Variants in NELL2 observed in about 807,000 individuals in gnomAD.
NELL2 encodes the protein neural EGFL like 2.
A neutral mutation model predicts 109.6 loss-of-function variants in NELL2; 41 were observed. That is an observed-to-expected ratio of 0.37 (90% CI 0.29 to 0.49). The LOEUF is 0.49. NELL2 is among the 20% of genes least tolerant of loss of function. The pLI is 0.98. For missense variants in NELL2, 900 were observed against 1,008.3 expected, an observed-to-expected ratio of 0.89 and a Z score of 1.45; for synonymous variants, 355 against 344.7, an observed-to-expected ratio of 1.03 and a Z score of -0.33.
intron 9 of NELL2, among the ~76,000 whole-genome samples, chr12:44,747,562 CA>C (rs1483245961): frequency 4.6e-5 from 7 of 151,796 alleles, no homozygotes; most frequent in Admixed American, 3.3e-4. Flanking sequence ...ATTAGACTTT[CA>C]AAAAAAATCT....
rs1410705305 is a variant in NELL2, at chr12:44,711,373, C to T, written c.1108G>A (p.Glu370Lys). 2.5e-6 allele frequency: 4 copies of T among 1,612,320 alleles called. No individual in the cohort carries two copies. The African/African-American group carries it at 4.0e-5, about 16-fold the overall frequency. ...TCCAAAGCTGGACAGCCTGAACTCTCAACAAGTTTCATGGTCTGGTCCTGT... is the reference window on the plus strand; with the variant it reads ...TCCAAAGCTGGACAGCCTGAACTCTTAACAAGTTTCATGGTCTGGTCCTGT... Reference protein sequence around the residue: ...ECKDQTMKLVESSGCPALDCP... With the variant: ...ECKDQTMKLVKSSGCPALDCP... The change falls in exon 11 of 20, where the codon GAG (glutamate) becomes AAG (lysine). Residue 370 changes from glutamate (E) to lysine (K), a missense_variant. Physicochemically the swap from Glu to Lys is moderately conservative, Grantham distance 56. This residue lies in a region of NELL2 where 292 missense variants were observed against 265.3 expected (regional missense o/e 1.10). Coordinates refer to ENST00000429094, the MANE Select transcript of NELL2 (RefSeq NM_001145108.2).
intron 13 of NELL2, among the ~76,000 whole-genome samples, chr12:44,631,764 GA>G (rs1946464419): frequency 6.6e-6 from 1 of 152,018 alleles, no homozygotes; most frequent in Admixed American, 6.6e-5. Context: ...AGCATATAAT[GA>G]ATATCAATGG....
At chr12:44,791,083 ATATATATATATATG>A (rs1253564126) in intron 3 of NELL2, among the ~76,000 whole-genome samples, 1 of 8,370 alleles carries the variant, frequency 1.2e-4, no homozygotes. Flanking sequence ...ATATATATAC[ATATATATATATATG>A]TATATATATA....
At chr12:44,732,112 G>T (rs1248544176) in intron 9 of NELL2, among the ~76,000 whole-genome samples, 1 of 151,958 alleles carries the variant, frequency 6.6e-6, no homozygotes, top group African/African-American at 2.4e-5. Flanking sequence ...GTGCTTACAG[G>T]TTGGAAGACA....
Position 44,876,184 on chromosome 12 carries a change from A to G in NELL2, c.-315T>C. ...GGCTCCGTCGGGGAATTAGCTCCCG[A>G]GCCGAATAAAAGCAGCCAAAGACTC... On this transcript the variant is annotated 5_prime_UTR_variant, in exon 1 of 20. Transcript: ENST00000429094. The G allele has an allele frequency of 4.0e-6, 5 of 1,240,304 alleles. No homozygotes were observed. Among genetic ancestry groups the G allele is most frequent in the South Asian group, 2.2e-5 (1 of 45,448 alleles). The allele number at this position is 1,240,304 out of a possible 1,614,324, so 76.8% of individuals were successfully genotyped here. A position where few individuals can be genotyped will look rare whatever the true frequency, so the allele number is the denominator to read the frequency against.
intron 3 of NELL2, among the ~76,000 whole-genome samples, chr12:44,786,934 T>G (rs747737970): frequency 7.9e-5 from 12 of 152,124 alleles, no homozygotes; most frequent in Middle Eastern, 3.4e-3. Flanking sequence ...ATGCGGGGCT[T>G]AAAACCTAGA....
At chr12:44,661,236 AG>A (rs1194121191) in intron 13 of NELL2, among the ~76,000 whole-genome samples, 2 of 152,222 alleles carry the variant, frequency 1.3e-5, no homozygotes, top group Non-Finnish European at 2.9e-5. Context: ...ATCATGGGAA[AG>A]GGGGGCAAGA....
chr12:44,799,867 A>G (rs1441334473), intron 3 of NELL2, among the ~76,000 whole-genome samples: 1 of 152,204 alleles, frequency 6.6e-6, no homozygotes, highest in Non-Finnish European at 1.5e-5. Context: ...ATTTCTTTCT[A>G]CATTATGTTT....
rs1207606787 is a variant in NELL2 at position 44,875,875 on chromosome 12, G to A, written c.-6C>T. On this transcript the variant is annotated 5_prime_UTR_variant, in exon 1 of 20. Coordinates refer to ENST00000429094, the MANE Select transcript of NELL2 (RefSeq NM_001145108.2). ...AGTAAGACCCGAGACTCCATGGTGC[G>A]GATCAGCTCAGTCCATCGTCTCCCT... 2 of 1,613,960 alleles carry A rather than the reference G, an allele frequency of 1.2e-6. No individual in the cohort carries two copies. The highest frequency in any genetic ancestry group is 1.1e-5 in the South Asian group (1 of 91,074).
chr12:44,857,718 C>A (rs1944723874), intron 2 of NELL2, among the ~76,000 whole-genome samples: 1 of 152,236 alleles, frequency 6.6e-6, no homozygotes, highest in South Asian at 2.1e-4. Context: ...AGGAGCTATG[C>A]CCTGAATCTT....
rs1359207638 is a variant in NELL2 at position 44,815,943 on chromosome 12, CA to C, written c.335+42del. The stretch of plus-strand genomic sequence containing the variant: ...CTTCTCTTTAATATATTCATTTAAC[CA>C]CATATAATGAAAACACAGGAAACTC... On this transcript the variant is annotated intron_variant, in intron 3 of 19. Transcript: ENST00000429094. 1.0e-5 allele frequency: 16 copies of C among 1,570,392 alleles called. No homozygotes were observed. The Admixed American group carries it at 2.8e-4, about 27-fold the overall frequency.
chr12:44,700,360 C>T (rs751605864), intron 12 of NELL2, among the ~76,000 whole-genome samples: 7 of 152,094 alleles, frequency 4.6e-5, no homozygotes, highest in Admixed American at 2.6e-4. Flanking sequence ...GATCACGAAA[C>T]TTCTCATCTT....
chr12:44,700,346 G>T (rs112093508), intron 12 of NELL2, among the ~76,000 whole-genome samples: 328 of 152,230 alleles, frequency 2.2e-3, no homozygotes, highest in Admixed American at 6.3e-3. Flanking sequence ...TAAAACACAA[G>T]TGTGATCACG....
chr12:44,857,833 T>C (rs1944726716), intron 2 of NELL2, among the ~76,000 whole-genome samples: 1 of 152,172 alleles, frequency 6.6e-6, no homozygotes, highest in South Asian at 2.1e-4. Flanking sequence ...CATCCCTTTC[T>C]ACCCAAATCC....
chr12:44,894,749 C>T (rs556934659), intron 1 of NELL2, among the ~76,000 whole-genome samples: 2 of 152,278 alleles, frequency 1.3e-5, no homozygotes, highest in East Asian at 3.9e-4. Context: ...CTGCTTCTAA[C>T]TCTCAATTTT....
chr12:44,872,905 C>T (rs770617228), intron 2 of NELL2, among the ~76,000 whole-genome samples: 10 of 152,148 alleles, frequency 6.6e-5, no homozygotes, highest in Non-Finnish European at 1.2e-4. Flanking sequence ...ATTTTTTTCT[C>T]TCTAAAGCCA....
At chr12:44,898,140 T>C (rs1302136302) in intron 1 of NELL2, among the ~76,000 whole-genome samples, 1 of 152,150 alleles carries the variant, frequency 6.6e-6, no homozygotes, top group African/African-American at 2.4e-5. Context: ...CCCATCTCCC[T>C]GGGACAGAGC....
intron 13 of NELL2, among the ~76,000 whole-genome samples, chr12:44,622,036 T>C (rs1282072134): frequency 6.6e-6 from 1 of 152,136 alleles, no homozygotes; most frequent in East Asian, 1.9e-4. Flanking sequence ...TTAGTATAGA[T>C]CTTTGAACCC....
At chr12:44,735,462 AT>A (rs1939591551) in intron 9 of NELL2, among the ~76,000 whole-genome samples, 1 of 152,210 alleles carries the variant, frequency 6.6e-6, no homozygotes, top group African/African-American at 2.4e-5. Context: ...CCTAGGCTTT[AT>A]ATCCATGCAA....
Sources: gnomAD v4.1 joint callset for allele counts (sites outside exome capture counted in the v4.1 genomes callset) on GRCh38, gnomAD v4.1.1 for gene constraint, gnomAD v4.1.1 regional missense constraint, MANE v1.5 for transcripts, NCBI Gene and HGNC (gene_info 2026-07-23, HGNC 2026-07-21) for gene names.